CNTROB: variants seen among roughly 807,000 people sequenced by gnomAD.
The protein encoded by CNTROB is centrobin, centriole duplication and spindle assembly protein.
Under a neutral mutation model 115.7 loss-of-function variants are expected in CNTROB, and 82 were observed. The observed-to-expected ratio is 0.71, with a 90% CI of 0.59 to 0.85. CNTROB has a LOEUF of 0.85. CNTROB is among the 40% of genes least tolerant of loss of function. The pLI, the probability that CNTROB is intolerant of heterozygous loss-of-function variation, is 0.00. For missense variants in CNTROB, 1,014 were observed against 1,144.4 expected, an observed-to-expected ratio of 0.89 and a Z score of 1.64; for synonymous variants, 439 against 456.4, an observed-to-expected ratio of 0.96 and a Z score of 0.49.
chr17:7,933,172 G>A lies in CNTROB; in HGVS notation c.93G>A (p.Ser31=), dbSNP rs759944922. The A allele has an allele frequency of 4.3e-6, 7 of 1,613,972 alleles. No individual in the cohort carries two copies. The Admixed American group carries it at 1.2e-4, about 27-fold the overall frequency. The change falls in exon 1 of 19, where the codon TCG becomes TCA. Residue 31 remains serine, a synonymous_variant. Coordinates refer to ENST00000563694, the MANE Select transcript of CNTROB (RefSeq NM_053051.5). ...AACCCCCTGGGCTCAACCAAGTGTCGTCTGAAGTGACCTCCCAGCTCTATG... is the reference window on the plus strand; with the variant it reads ...AACCCCCTGGGCTCAACCAAGTGTCATCTGAAGTGACCTCCCAGCTCTATG... The part of the protein sequence containing the change: ...SSEPPGLNQV[S]SEVTSQLYAS...
intron 4 of CNTROB, chr17:7,936,087 CA>C: frequency 2.6e-6 from 1 of 387,622 alleles, no homozygotes; most frequent in East Asian, 4.8e-5. Flanking sequence ...GCATCTCTGC[CA>C]AAAGGTTTAT....
chr17:7,939,723 A>G lies in CNTROB; in HGVS notation c.1138A>G (p.Ser380Gly), dbSNP rs1019152989. The change falls in exon 8 of 19, where the codon AGC becomes GGC. Residue 380 changes from serine to glycine, a missense_variant. Ser to Gly is a moderately conservative substitution (Grantham distance 56). Transcript: ENST00000563694. This position sits in a 1 kb window ranked among gnomAD's most constrained non-coding sequence, Gnocchi z 4.4. ...KEHYQALQEE[S>G]QAQLEREKEK... ...ACACTACCAGGCGCTGCAGGAGGAG[A>G]GCCAGGCTCAGCTGGAAAGGGAGAA... 2.5e-6 allele frequency: 4 copies of G among 1,614,066 alleles called. No individual in the cohort carries two copies. The highest frequency in any genetic ancestry group is 1.1e-5 in the South Asian group (1 of 91,080).
intron 1 of CNTROB, 43 bp downstream of exon 1, chr17:7,933,392 CAG>C (rs1972758069): frequency 6.4e-7 from 1 of 1,561,142 alleles, no homozygotes; most frequent in Non-Finnish European, 8.7e-7. Flanking sequence ...CACTAGACAC[CAG>C]AGAGTCTTGG....
chr17:7,947,966 GC>G lies in CNTROB; in HGVS notation c.2201del (p.Pro734LeufsTer6), dbSNP rs1328100196. ...ATGAGAACCCTTCTGTCGACCTGTT[GC>G]CCCCTAAGTCTGGTGAGTTCCAACT... ...NNENPSVDLL[P>X]PKSGPLTVPS... On this transcript the variant is annotated frameshift_variant, in exon 15 of 19. Transcript: ENST00000563694. LOFTEE classifies it high-confidence loss of function. 2 of 1,613,772 alleles carry G rather than the reference GC, an allele frequency of 1.2e-6. No homozygotes were observed. The highest frequency in any genetic ancestry group is 1.7e-6 in the Non-Finnish European group (2 of 1,179,870).
intron 2 of CNTROB, 121 bp from the exon 3 acceptor site, chr17:7,934,344 G>T: frequency 7.5e-7 from 1 of 1,330,324 alleles, no homozygotes; most frequent in Non-Finnish European, 1.1e-6. Context: ...AAAGTCTCCC[G>T]TTCTTTGGGA....
chr17:7,935,651 T>G (rs1331304556), intron 4 of CNTROB: 1 of 166,204 alleles, frequency 6.0e-6, no homozygotes, highest in Non-Finnish European at 1.3e-5. Flanking sequence ...CTTATTTCTT[T>G]CATGTAGCTT....
At chr17:7,942,539 G>A (rs1974000944) in intron 9 of CNTROB, among the ~76,000 whole-genome samples, 3 of 146,548 alleles carry the variant, frequency 2.0e-5, no homozygotes, top group Admixed American at 6.9e-5. Context: ...AGAGGTTGCA[G>A]TGAGCCGAGA....
intron 9 of CNTROB, among the ~76,000 whole-genome samples, chr17:7,940,667 T>A (rs1342452974): frequency 6.6e-6 from 1 of 152,204 alleles, no homozygotes; most frequent in Admixed American, 6.5e-5. Context: ...GGGCAATGAT[T>A]TTTTAATTTA....
chr17:7,934,096 A>G, intron 1 of CNTROB, 42 bp from the exon 2 acceptor site: 1 of 1,546,602 alleles, frequency 6.5e-7, no homozygotes. Flanking sequence ...TAGGAGATAG[A>G]TAACACAGAC....
rs761356256 is a variant in CNTROB, at chr17:7,948,323, G to A, written c.2376G>A (p.Glu792=). 1.5e-5 allele frequency: 24 copies of A among 1,614,030 alleles called. No homozygotes were observed. Among genetic ancestry groups the A allele is most frequent in the Middle Eastern group, 1.6e-4 (1 of 6,084 alleles). ...QGSGPSSGSP[E]RGGDGLTFPR... ...GTGGTCCCAGCAGTGGTTCCCCAGA[G>A]AGAGGTGAGCATGTTCTGGTTTATT... Residue 792 remains glutamate (E), a synonymous_variant, in exon 16 of 19, where the codon GAG becomes GAA. Transcript: ENST00000563694. This position sits in a 1 kb window ranked among gnomAD's most constrained non-coding sequence, Gnocchi z 4.4.
At position 7,947,959 on chromosome 17, in the gene CNTROB, ACCTGTTG is replaced by A. The variant is rs1974751679; in HGVS notation, c.2192_2198del (p.Leu731ProfsTer7). The A allele has an allele frequency of 6.2e-7, 1 of 1,613,914 alleles. No individual in the cohort carries two copies. Among genetic ancestry groups the A allele is most frequent in the East Asian group, 2.2e-5 (1 of 44,872 alleles). ...CAGAACAATGAGAACCCTTCTGTCG[ACCTGTTG>A]CCCCCTAAGTCTGGTGAGTTCCAAC... On this transcript the variant is annotated frameshift_variant, in exon 15 of 19. Transcript: ENST00000563694. LOFTEE classifies it high-confidence loss of function.
At chr17:7,937,024 C>T (rs1401082556) in intron 6 of CNTROB, 140 bp from the exon 7 acceptor site, 2 of 1,094,292 alleles carry the variant, frequency 1.8e-6, no homozygotes, top group Admixed American at 2.0e-5. Context: ...ATTTTTCCCA[C>T]ACCATGTAGT....
rs1973582611 is a variant in CNTROB, at chr17:7,939,456, A to G, written c.928-57A>G. ...GCACCTTGTATGAGGGTCAGAGGGC[A>G]GATCGCTGGTCTCTGAAGAGCCTAC... On this transcript the variant is annotated intron_variant, in intron 7 of 18. Coordinates refer to ENST00000563694, the MANE Select transcript of CNTROB (RefSeq NM_053051.5). This position sits in a 1 kb window ranked among gnomAD's most constrained non-coding sequence, Gnocchi z 4.4. The G allele has an allele frequency of 7.1e-7, 1 of 1,408,888 alleles. No homozygotes were observed. Among genetic ancestry groups the G allele is most frequent in the African/African-American group, 1.4e-5 (1 of 70,788 alleles). 87.3% of individuals were successfully genotyped at this position (1,408,888 alleles called of 1,614,324 possible). A position where few individuals can be genotyped will look rare whatever the true frequency, so the allele number is the denominator to read the frequency against.
At chr17:7,941,718 G>C (rs1186992986) in intron 9 of CNTROB, among the ~76,000 whole-genome samples, 2 of 151,870 alleles carry the variant, frequency 1.3e-5, no homozygotes, top group African/African-American at 4.8e-5. Flanking sequence ...CCAGCACTTT[G>C]GGAGGCCGAA....
At chr17:7,946,885 A>C (rs1310738580) in intron 13 of CNTROB, among the ~76,000 whole-genome samples, 1 of 149,146 alleles carries the variant, frequency 6.7e-6, no homozygotes, top group Admixed American at 6.7e-5. Flanking sequence ...AAAAAAAAAG[A>C]GATTACAGCT....
chr17:7,944,415 T>A lies in CNTROB; in HGVS notation c.1572-61T>A. The A allele has an allele frequency of 6.3e-7, 1 of 1,596,754 alleles. No individual in the cohort carries two copies. Among genetic ancestry groups the A allele is most frequent in the East Asian group, 2.2e-5 (1 of 44,618 alleles). On this transcript the variant is annotated intron_variant, in intron 11 of 18. Coordinates refer to ENST00000563694, the MANE Select transcript of CNTROB (RefSeq NM_053051.5). This position sits in a 1 kb window ranked among gnomAD's most constrained non-coding sequence, Gnocchi z 4.0. ...TCCAACATTTCCCTTCTGGCTCTTT[T>A]TAGCTCCCAAGTATCTGCTTCCTTA...
intron 7 of CNTROB, among the ~76,000 whole-genome samples, chr17:7,938,864 C>T (rs147907739): frequency 8.8e-4 from 134 of 152,268 alleles, no homozygotes; most frequent in Non-Finnish European, 1.5e-3. Context: ...CTGCAACCTC[C>T]GCCTCCCAGG....
chr17:7,947,567 A>T lies in CNTROB; in HGVS notation c.1994-4A>T. ...CACCCACCCATACCTGTTTCACTTTATAGCTGGGGCCTTCTCTGCACTTGG... is the reference window on the plus strand; with the variant it reads ...CACCCACCCATACCTGTTTCACTTTTTAGCTGGGGCCTTCTCTGCACTTGG... On this transcript the variant is annotated splice_region_variant and splice_polypyrimidine_tract_variant and intron_variant, in intron 13 of 18. Transcript: ENST00000563694. The T allele has an allele frequency of 6.3e-7, 1 of 1,597,986 alleles. No individual in the cohort carries two copies. The highest frequency in any genetic ancestry group is 8.6e-7 in the Non-Finnish European group (1 of 1,169,260).
chr17:7,947,591 G>A lies in CNTROB; in HGVS notation c.2014G>A (p.Gly672Arg). 2 of 1,610,042 alleles carry A rather than the reference G, an allele frequency of 1.2e-6. No individual in the cohort carries two copies. Among genetic ancestry groups the A allele is most frequent in the Non-Finnish European group, 1.7e-6 (2 of 1,177,010 alleles). ...TATAGCTGGGGCCTTCTCTGCACTT[G>A]GGGCCTTCCATCCCGATCATAGGGC... ...SSTAGAFSAL[G>R]AFHPDHRAER... The change falls in exon 14 of 19, where the codon GGG becomes AGG. Residue 672 changes from glycine (G) to arginine (R), a missense_variant. Physicochemically the swap from Gly to Arg is moderately radical, Grantham distance 125. Transcript: ENST00000563694.
Sources: gnomAD v4.1 joint callset for allele counts (sites outside exome capture counted in the v4.1 genomes callset) on GRCh38, gnomAD v4.1.1 for gene constraint, Gnocchi (gnomAD v3.1) non-coding constraint, MANE v1.5 for transcripts, NCBI Gene and HGNC (gene_info 2026-07-23, HGNC 2026-07-21) for gene names.